HID1: variants seen among roughly 807,000 people sequenced by gnomAD.
The protein encoded by HID1 is HID1 domain containing.
In HID1, 42 loss-of-function variants were observed where a neutral mutation model predicts 89.7. The observed-to-expected ratio is 0.47, with a 90% CI of 0.37 to 0.61. HID1 has a LOEUF of 0.61. HID1 is among the 20% of genes least tolerant of loss of function. HID1 has a pLI of 0.00. For missense variants in HID1, 854 were observed against 1,039.3 expected (o/e 0.82, Z 2.45); for synonymous variants, 442 against 433.8 (o/e 1.02, Z -0.24).
chr17:74,953,304 G>A (rs543273074), intron 15 of HID1, among the ~76,000 whole-genome samples: 1 of 152,184 alleles, frequency 6.6e-6, no homozygotes, highest in African/African-American at 2.4e-5. Flanking sequence ...CTCAGATAAG[G>A]CGGAGGGATG....
intron 18 of HID1, 95 bp downstream of exon 18, chr17:74,951,810 G>A: frequency 7.1e-7 from 1 of 1,400,456 alleles, no homozygotes; most frequent in Non-Finnish European, 9.6e-7. Context: ...TTGACATGAA[G>A]TCCACCATAG....
chr17:74,968,728 C>A (rs1163446482), intron 1 of HID1, among the ~76,000 whole-genome samples: 1 of 152,166 alleles, frequency 6.6e-6, no homozygotes, highest in East Asian at 1.9e-4. Context: ...ACCCACAGAG[C>A]CATCTGGGAG....
At position 74,972,410 on chromosome 17, in the gene HID1, G is replaced by T. The variant is rs1049259012; in HGVS notation, c.66+181C>A. On this transcript the variant is annotated intron_variant, in intron 1 of 18. Coordinates refer to ENST00000425042, the MANE Select transcript of HID1 (RefSeq NM_030630.3). This position sits in a 1 kb window ranked among gnomAD's most constrained non-coding sequence, Gnocchi z 6.4. ...AGAGGAGGCTGAGGGTGGGGGACTA[G>T]GGCCAGGGGATGGAGCTTCCAGGTA... 1.3e-5 allele frequency among the ~76,000 whole-genome samples: 2 copies of T among 152,178 alleles called. No individual in the cohort carries two copies. Among genetic ancestry groups the T allele is most frequent in the Admixed American group, 1.3e-4 (2 of 15,286 alleles).
chr17:74,951,755 G>A, intron 18 of HID1, 122 bp from the exon 19 acceptor site: 2 of 1,340,690 alleles, frequency 1.5e-6, no homozygotes, highest in South Asian at 2.7e-5. Flanking sequence ...ACCCTGGGCA[G>A]CGGGTGCCAC....
Position 74,962,116 on chromosome 17 carries a change from AGGTCG to A in HID1, c.611+113_611+117del, listed in dbSNP as rs1382275042. ...ACTCCCGTTGACCCCTGTAAGGTCA[AGGTCG>A]GGTCATAGGTGAGGACGGTCTTCTG... On this transcript the variant is annotated intron_variant, in intron 5 of 18. Coordinates refer to ENST00000425042, the MANE Select transcript of HID1 (RefSeq NM_030630.3). The surrounding 1 kb of genome is among the most constrained non-coding windows in gnomAD (Gnocchi z 4.3). 8 of 1,127,004 alleles carry A rather than the reference AGGTCG, an allele frequency of 7.1e-6. No homozygotes were observed. The highest frequency in any genetic ancestry group is 1.0e-5 in the Non-Finnish European group (8 of 788,498). 69.8% of individuals were successfully genotyped at this position (1,127,004 alleles called of 1,614,324 possible). A position where few individuals can be genotyped will look rare whatever the true frequency, so the allele number is the denominator to read the frequency against.
intron 13 of HID1, among the ~76,000 whole-genome samples, chr17:74,955,484 G>C (rs1418338943): frequency 1.4e-5 from 2 of 142,302 alleles, no homozygotes; most frequent in Non-Finnish European, 3.1e-5. Context: ...CTGGGCGACA[G>C]AGTGAGACGC....
At chr17:74,954,517 TG>T in intron 13 of HID1, 152 bp from the exon 14 acceptor site, 1 of 1,386,338 alleles carries the variant, frequency 7.2e-7, no homozygotes, top group Non-Finnish European at 9.8e-7. Flanking sequence ...GAGAGGGTGC[TG>T]GGGCAGGGCT....
At chr17:74,956,289 G>C (rs899022746) in intron 12 of HID1, among the ~76,000 whole-genome samples, 1 of 152,188 alleles carries the variant, frequency 6.6e-6, no homozygotes, top group Non-Finnish European at 1.5e-5. Flanking sequence ...TGGAAACTGA[G>C]GCTCAGAGAA....
rs377141103 is a variant in HID1 at position 74,958,679 on chromosome 17, C to T, written c.1234G>A (p.Asp412Asn). 23 of 1,216,142 alleles carry T rather than the reference C, an allele frequency of 1.9e-5. No homozygotes were observed. The highest frequency in any genetic ancestry group is 2.6e-5 in the East Asian group (1 of 38,502). The allele number at this position is 1,216,142 out of a possible 1,614,324, so 75.3% of individuals were successfully genotyped here. A position where few individuals can be genotyped will look rare whatever the true frequency, so the allele number is the denominator to read the frequency against. The change falls in exon 10 of 19, where the codon GAT becomes AAT. Residue 412 changes from aspartate (D) to asparagine (N), a missense_variant. Coordinates refer to ENST00000425042, the MANE Select transcript of HID1 (RefSeq NM_030630.3). The surrounding 1 kb of genome is among the most constrained non-coding windows in gnomAD (Gnocchi z 5.2). ...ILFFLNDARA[D>N]QSRVGLMHIG... Reference sequence around the variant, plus strand: ...ACCCCCACCCTGGTCTTACACTGATCGGCCCGGGCATCGTTGAGGAAGAAG... The same window carrying T: ...ACCCCCACCCTGGTCTTACACTGATTGGCCCGGGCATCGTTGAGGAAGAAG...
Position 74,958,356 on chromosome 17 carries a change from T to C in HID1, c.1363A>G (p.Thr455Ala). 2 of 1,613,276 alleles carry C rather than the reference T, an allele frequency of 1.2e-6. No homozygotes were observed. The highest frequency in any genetic ancestry group is 1.3e-5 in the African/African-American group (1 of 75,028). ...IRVPMDIPVFTGTHADLLIVV... is the reference protein window; with the variant it reads ...IRVPMDIPVFAGTHADLLIVV... ...ATGAGCAGGTCGGCGTGGGTCCCTG[T>C]GAAGACTGGGATGTCCATGGGCACG... is the stretch of plus-strand genomic sequence containing the variant. The change falls in exon 11 of 19, where the codon ACA (threonine) becomes GCA (alanine). Residue 455 changes from threonine to alanine, a missense_variant. Physicochemically the swap from Thr to Ala is moderately conservative, Grantham distance 58 (BLOSUM62 0). Transcript: ENST00000425042. This position sits in a 1 kb window ranked among gnomAD's most constrained non-coding sequence, Gnocchi z 5.2.
chr17:74,963,812 C>T lies in HID1; in HGVS notation c.315G>A (p.Leu105=). The change falls in exon 3 of 19, where the codon CTG becomes CTA. Residue 105 remains leucine (L), a synonymous_variant. Coordinates refer to ENST00000425042, the MANE Select transcript of HID1 (RefSeq NM_030630.3). ...AGTCGGGGTCCTCAAAGATGTAGGG[C>T]AGCACGCGGGTGAGCAGCCGGCTGC... ...LNCSRLLTRV[L]PYIFEDPDWR... The T allele has an allele frequency of 6.2e-7, 1 of 1,614,128 alleles. No individual in the cohort carries two copies. The highest frequency in any genetic ancestry group is 1.3e-5 in the African/African-American group (1 of 75,072).
chr17:74,955,990 C>G, intron 12 of HID1, 34 bp from the exon 13 acceptor site: 1 of 1,602,954 alleles, frequency 6.2e-7, no homozygotes, highest in Non-Finnish European at 8.5e-7. Context: ...TCCTGGGCCC[C>G]TCAGCCAAGC....
chr17:74,958,923 G>T lies in HID1; in HGVS notation c.1137C>A (p.Cys379Ter). Residue 379 changes from cysteine to a stop codon, truncating the protein, a stop_gained, in exon 9 of 19, where the codon TGC becomes TGA. Coordinates refer to ENST00000425042, the MANE Select transcript of HID1 (RefSeq NM_030630.3). LOFTEE classifies it high-confidence loss of function. The surrounding 1 kb of genome is among the most constrained non-coding windows in gnomAD (Gnocchi z 5.2). ...GAGGCTGGCCCACCTTGTTGAAGTC[G>T]CAGAGCTTCCAGAAGAGAACTAGCA... ...QELLVLFWKL[C>*]DFNKKFLFFV... 4 of 1,593,202 alleles carry T rather than the reference G, an allele frequency of 2.5e-6. No homozygotes were observed. Among genetic ancestry groups the T allele is most frequent in the Non-Finnish European group, 3.4e-6 (4 of 1,172,138 alleles).
At chr17:74,964,335 G>T in intron 2 of HID1, 148 bp downstream of exon 2, 1 of 924,044 alleles carries the variant, frequency 1.1e-6, no homozygotes, top group Non-Finnish European at 1.6e-6. Flanking sequence ...CCAACGCCCA[G>T]CAAAGAGAAC....
chr17:74,959,933 G>A lies in HID1; in HGVS notation c.956C>T (p.Pro319Leu). 3 of 1,613,726 alleles carry A rather than the reference G, an allele frequency of 1.9e-6. No homozygotes were observed. Among genetic ancestry groups the A allele is most frequent in the Non-Finnish European group, 2.5e-6 (3 of 1,180,042 alleles). ...TGTAMDDADP[P>L]GPENLFVNYL... The stretch of plus-strand genomic sequence containing the variant: ...GTTCACAAACAGGTTCTCAGGGCCT[G>A]GAGGCTGCCAAGAGGAGAAGCCCCT... Residue 319 changes from proline (P) to leucine (L), a missense_variant, in exon 8 of 19, where the codon CCA (proline) becomes CTA (leucine). Pro to Leu is a moderately conservative substitution (Grantham distance 98). Transcript: ENST00000425042. This position sits in a 1 kb window ranked among gnomAD's most constrained non-coding sequence, Gnocchi z 4.6.
In HID1 at chr17:74,959,341, T is replaced by C. The variant is rs535146466; in HGVS notation, c.1009-290A>G. 1.3e-5 allele frequency among the ~76,000 whole-genome samples: 2 copies of C among 152,182 alleles called. No individual in the cohort carries two copies. The highest frequency in any genetic ancestry group is 3.9e-4 in the East Asian group (2 of 5,174). Reference sequence around the variant, plus strand: ...GCTGCTCTCAGTGAACTCCCACACATGCACACCCTCAACCTTGTCCCTGCC... The same window carrying C: ...GCTGCTCTCAGTGAACTCCCACACACGCACACCCTCAACCTTGTCCCTGCC... On this transcript the variant is annotated intron_variant, in intron 8 of 18. Coordinates refer to ENST00000425042, the MANE Select transcript of HID1 (RefSeq NM_030630.3). This position sits in a 1 kb window ranked among gnomAD's most constrained non-coding sequence, Gnocchi z 4.6.
chr17:74,958,962 C>A lies in HID1; in HGVS notation c.1098G>T (p.Gln366His). The change falls in exon 9 of 19, where the codon CAG becomes CAT. Residue 366 changes from glutamine (Q) to histidine (H), a missense_variant. Physicochemically the swap from Gln to His is conservative, Grantham distance 24. Coordinates refer to ENST00000425042, the MANE Select transcript of HID1 (RefSeq NM_030630.3). This position sits in a 1 kb window ranked among gnomAD's most constrained non-coding sequence, Gnocchi z 5.2. ...TYLPNSTKKIQFHQELLVLFW... is the reference protein window; with the variant it reads ...TYLPNSTKKIHFHQELLVLFW... ...AGAGAACTAGCAGCTCCTGGTGGAA[C>A]TGGATCTTCTTGGTGGAGTTAGGCA... is the stretch of plus-strand genomic sequence containing the variant. 1 of 1,606,448 alleles carries A rather than the reference C, an allele frequency of 6.2e-7. No homozygotes were observed. The highest frequency in any genetic ancestry group is 1.7e-5 in the Admixed American group (1 of 57,674).
chr17:74,964,311 C>T (rs1374483465), intron 2 of HID1, 172 bp downstream of exon 2: 11 of 708,296 alleles, frequency 1.6e-5, no homozygotes, highest in East Asian at 8.2e-5. Flanking sequence ...CCATAAATGA[C>T]GGCTGCCGTG....
rs1318592230 is a variant in HID1 at position 74,962,080 on chromosome 17, G to A, written c.612-91C>T. ...GCCCAGCGCCCCAGCCCAGGTCCAT[G>A]GAAGGAAGTTACTCCCGTTGACCCC... On this transcript the variant is annotated intron_variant, in intron 5 of 18. Transcript: ENST00000425042. This position sits in a 1 kb window ranked among gnomAD's most constrained non-coding sequence, Gnocchi z 4.3. 12 of 1,169,362 alleles carry A rather than the reference G, an allele frequency of 1.0e-5. No individual in the cohort carries two copies. The highest frequency in any genetic ancestry group is 1.3e-5 in the Non-Finnish European group (11 of 838,418). The allele number at this position is 1,169,362 out of a possible 1,614,324, so 72.4% of individuals were successfully genotyped here.
Sources: gnomAD v4.1 joint callset for allele counts (sites outside exome capture counted in the v4.1 genomes callset) on GRCh38, gnomAD v4.1.1 for gene constraint, Gnocchi (gnomAD v3.1) non-coding constraint, MANE v1.5 for transcripts, NCBI Gene and HGNC (gene_info 2026-07-23, HGNC 2026-07-21) for gene names.